Variants in PRKAG2 observed in about 807,000 individuals in gnomAD.
The protein encoded by PRKAG2 is 5'-AMP-activated protein kinase subunit gamma-2.
PRKAG2 carries 26 observed loss-of-function variants against 69.6 expected under a neutral mutation model. The ratio of observed to expected loss-of-function variants is 0.37; its 90% CI spans 0.27 to 0.52. The LOEUF (loss-of-function observed/expected upper bound fraction) is 0.52. Among genes scored for constraint, PRKAG2 ranks in the 20% least tolerant of loss-of-function variants. PRKAG2 has a pLI of 0.90. For missense variants in PRKAG2, 557 were observed against 740.0 expected (o/e 0.75, Z 2.87); for synonymous variants, 293 against 285.0 (o/e 1.03, Z -0.28).
chr7:151,842,781 T>G (rs1456555326), intron 1 of PRKAG2, among the ~76,000 whole-genome samples: 1 of 151,706 alleles, frequency 6.6e-6, no homozygotes, highest in East Asian at 1.9e-4. Flanking sequence ...GTAGTGATAG[T>G]AAGTAGCGGT....
intron 3 of PRKAG2, among the ~76,000 whole-genome samples, chr7:151,743,710 G>C (rs539179503): frequency 5.3e-5 from 8 of 152,370 alleles, no homozygotes; most frequent in South Asian, 2.1e-4. Flanking sequence ...GGAGCAGCAT[G>C]ATGGGTCAGG....
At chr7:151,596,158 A>C (rs576874361) in intron 5 of PRKAG2, among the ~76,000 whole-genome samples, 3 of 152,222 alleles carry the variant, frequency 2.0e-5, no homozygotes, top group African/African-American at 4.8e-5. Context: ...AAGGCATCCA[A>C]ATATGGAAAC....
intron 3 of PRKAG2, among the ~76,000 whole-genome samples, chr7:151,746,674 T>C (rs1387787732): frequency 6.6e-6 from 1 of 152,128 alleles, no homozygotes. Context: ...AAAGCCTGGG[T>C]GAGGACTGAA....
intron 1 of PRKAG2, among the ~76,000 whole-genome samples, chr7:151,796,392 GAAC>G (rs61134712): frequency 7.7e-4 from 117 of 152,310 alleles, no homozygotes; most frequent in African/African-American, 2.8e-3. Flanking sequence ...AGTGCTTAGA[GAAC>G]AACAGGAAAT....
rs948944931 is a variant in PRKAG2, at chr7:151,558,355, A to G, written c.1679-1123T>C. On this transcript the variant is annotated intron_variant, in intron 15 of 15. Transcript: ENST00000287878. ...TCCATGGACAACCACCTAACAGTGC[A>G]GGTCCCGGGCACTGCGCCTCATTGC... 3 of 985,338 alleles carry G rather than the reference A, an allele frequency of 3.0e-6. No homozygotes were observed. The Admixed American group carries it at 1.8e-4, about 61-fold the overall frequency. 61.0% of individuals were successfully genotyped at this position (985,338 alleles called of 1,614,324 possible). A position where few individuals can be genotyped will look rare whatever the true frequency, so the allele number is the denominator to read the frequency against.
chr7:151,853,704 G>A (rs1428445236), intron 1 of PRKAG2, among the ~76,000 whole-genome samples: 1 of 150,738 alleles, frequency 6.6e-6, no homozygotes, highest in Non-Finnish European at 1.5e-5. Context: ...AGCTTGCAGT[G>A]AGCTGAGATC....
chr7:151,868,562 G>A (rs1042052851), intron 1 of PRKAG2, among the ~76,000 whole-genome samples: 3 of 152,250 alleles, frequency 2.0e-5, no homozygotes, highest in Admixed American at 6.5e-5. Flanking sequence ...TTTAAACGAC[G>A]TTGACAGAAC....
chr7:151,595,328 A>C lies in PRKAG2; in HGVS notation c.864+17T>G, dbSNP rs1404547794. The C allele has an allele frequency of 6.3e-7, 1 of 1,588,986 alleles. No homozygotes were observed. Among genetic ancestry groups the C allele is most frequent in the African/African-American group, 1.3e-5 (1 of 74,400 alleles). ...CCAAAAAATACCAAAAAATTCATGA[A>C]AATGGAGTACACTTACTTGTAATGT... On this transcript the variant is annotated intron_variant, in intron 6 of 15. Transcript: ENST00000287878.
rs1319535599 is a variant in PRKAG2, at chr7:151,854,947, CACCACTCTCCACAT to C, written c.114+21546_114+21559del. ...ACCACTTTACACACACACCACCCTC[CACCACTCTCCACAT>C]ACCACCCTCCACACACACCATGCTC... On this transcript the variant is annotated intron_variant, in intron 1 of 15. Coordinates refer to ENST00000287878, the MANE Select transcript of PRKAG2 (RefSeq NM_016203.4). Among the ~76,000 whole-genome samples the C allele has an allele frequency of 4.5e-3, 647 of 143,990 alleles. 45 individuals are homozygous for C. Among genetic ancestry groups the C allele is most frequent in the East Asian group, 0.021 (101 of 4,864 alleles). The allele number at this position is 143,990 out of a possible 152,430, so 94.5% of individuals were successfully genotyped here.
intron 3 of PRKAG2, among the ~76,000 whole-genome samples, chr7:151,755,139 T>G (rs1303220321): frequency 6.6e-6 from 1 of 152,138 alleles, no homozygotes; most frequent in Non-Finnish European, 1.5e-5. Context: ...GGCCGGTTAT[T>G]GGGCGTAGGC....
chr7:151,610,415 A>C (rs1398749740), intron 5 of PRKAG2, among the ~76,000 whole-genome samples: 2 of 151,594 alleles, frequency 1.3e-5, no homozygotes, highest in Non-Finnish European at 2.9e-5. Flanking sequence ...GCGGTGGCTT[A>C]CGGCTGTAAT....
At chr7:151,692,860 C>T (rs908125690) in intron 3 of PRKAG2, among the ~76,000 whole-genome samples, 5 of 152,136 alleles carry the variant, frequency 3.3e-5, no homozygotes, top group Admixed American at 6.5e-5. Context: ...CAGAATGGAG[C>T]CACTACCAGG....
intron 3 of PRKAG2, among the ~76,000 whole-genome samples, chr7:151,714,368 G>A (rs1406106263): frequency 4.7e-5 from 7 of 149,266 alleles, no homozygotes; most frequent in South Asian, 2.2e-4. Flanking sequence ...GCACGCTGCC[G>A]TCCTCCCATC....
intron 5 of PRKAG2, among the ~76,000 whole-genome samples, chr7:151,625,300 TAA>T (rs996725718): frequency 4.6e-5 from 7 of 152,006 alleles, no homozygotes; most frequent in African/African-American, 7.3e-5. Flanking sequence ...GCTGTCTGTG[TAA>T]AGTCTGGCAG....
rs541449077 is a variant in PRKAG2, at chr7:151,624,184, T to A, written c.754+7885A>T. 4.0e-3 allele frequency among the ~76,000 whole-genome samples: 592 copies of A among 148,276 alleles called. 4 individuals are homozygous for A. The highest frequency in any genetic ancestry group is 0.012 in the African/African-American group (479 of 39,730). Reference sequence around the variant, plus strand: ...TGTGTGTGTACATATATATATATTTTTTTTTTCAGATAAGGTCTTGCTCTG... The same window carrying A: ...TGTGTGTGTACATATATATATATTTATTTTTTCAGATAAGGTCTTGCTCTG... On this transcript the variant is annotated intron_variant, in intron 5 of 15. Transcript: ENST00000287878.
At chr7:151,857,863 C>CA in intron 1 of PRKAG2, among the ~76,000 whole-genome samples, 1 of 152,234 alleles carries the variant, frequency 6.6e-6, no homozygotes, top group Non-Finnish European at 1.5e-5. Flanking sequence ...TCTATACAAT[C>CA]CCAAACGGTG....
At chr7:151,739,555 C>T (rs926128376) in intron 3 of PRKAG2, among the ~76,000 whole-genome samples, 3 of 151,932 alleles carry the variant, frequency 2.0e-5, no homozygotes, top group East Asian at 1.9e-4. Flanking sequence ...CTGCAGCCTC[C>T]GCCTCCTGGG....
chr7:151,864,393 C>T (rs751696602), intron 1 of PRKAG2, among the ~76,000 whole-genome samples: 6 of 152,292 alleles, frequency 3.9e-5, no homozygotes, highest in Non-Finnish European at 5.9e-5. Flanking sequence ...CATTATACGG[C>T]GGTCCAGGGT....
chr7:151,788,643 G>T lies in PRKAG2; in HGVS notation c.115-2102C>A, dbSNP rs1489182526. 1.3e-5 allele frequency among the ~76,000 whole-genome samples: 2 copies of T among 152,180 alleles called. No homozygotes were observed. The highest frequency in any genetic ancestry group is 2.4e-5 in the African/African-American group (1 of 41,442). ...TTTTTACTCTGCTGTGTCCTTTGAT[G>T]TACAGAAGTCTTTGATTTATCTAAT... On this transcript the variant is annotated intron_variant, in intron 1 of 15. Coordinates refer to ENST00000287878, the MANE Select transcript of PRKAG2 (RefSeq NM_016203.4). This position sits in a 1 kb window ranked among gnomAD's most constrained non-coding sequence, Gnocchi z 4.6.
Sources: gnomAD v4.1 joint callset for allele counts (sites outside exome capture counted in the v4.1 genomes callset) on GRCh38, gnomAD v4.1.1 for gene constraint, Gnocchi (gnomAD v3.1) non-coding constraint, MANE v1.5 for transcripts, NCBI Gene and HGNC (gene_info 2026-07-23, HGNC 2026-07-21) for gene names.